The following PPP1R16B variants were observed in gnomAD, a reference collection of about 807,000 sequenced individuals.
PPP1R16B encodes protein phosphatase 1 regulatory inhibitor subunit 16B.
In PPP1R16B, 14 loss-of-function variants were observed where a neutral mutation model predicts 61.7. That is an observed-to-expected ratio of 0.23 (90% CI 0.15 to 0.35). The LOEUF is 0.35. PPP1R16B is among the 10% of genes least tolerant of loss of function. The pLI is 1.00. For missense variants in PPP1R16B, 547 were observed against 752.5 expected, an observed-to-expected ratio of 0.73 and a Z score of 3.19; for synonymous variants, 266 against 305.3, an observed-to-expected ratio of 0.87 and a Z score of 1.34.
chr20:38,910,794 G>C (rs1415613176), intron 10 of PPP1R16B, among the ~76,000 whole-genome samples: 1 of 152,134 alleles, frequency 6.6e-6, no homozygotes, highest in South Asian at 2.1e-4. Flanking sequence ...TCAAGAGATC[G>C]AGACCATCCT....
At chr20:38,812,501 C>T (rs2084707738) in intron 1 of PPP1R16B, among the ~76,000 whole-genome samples, 1 of 152,126 alleles carries the variant, frequency 6.6e-6, no homozygotes, top group African/African-American at 2.4e-5. Flanking sequence ...GGGAAGACAT[C>T]GCTTGTTTTC....
At chr20:38,869,128 A>G (rs1257665277) in intron 2 of PPP1R16B, among the ~76,000 whole-genome samples, 1 of 149,984 alleles carries the variant, frequency 6.7e-6, no homozygotes, top group Non-Finnish European at 1.5e-5. Context: ...TTTTGAGGTG[A>G]TATGCACATA....
chr20:38,836,027 G>A lies in PPP1R16B; in HGVS notation c.102G>A (p.Leu34=), dbSNP rs1201090342. 1.2e-6 allele frequency: 2 copies of A among 1,601,432 alleles called. No homozygotes were observed. Among genetic ancestry groups the A allele is most frequent in the South Asian group, 1.1e-5 (1 of 89,440 alleles). The part of the protein sequence containing the change: ...RAAQKRRAQQ[L]KKWAQYEQDL... ...CCCAGAAGCGCCGGGCCCAGCAGCT[G>A]AAGAAATGGGCACAGTACGAGCAGG... The change falls in exon 2 of 11, where the codon CTG becomes CTA. Residue 34 remains leucine, a synonymous_variant. Transcript: ENST00000299824.
intron 4 of PPP1R16B, 91 bp downstream of exon 4, chr20:38,895,801 C>G (rs555986775): frequency 1.6e-6 from 2 of 1,269,108 alleles, no homozygotes; most frequent in Admixed American, 4.2e-5. Context: ...CTCCTTCCTT[C>G]TTTCTCTCCT....
intron 2 of PPP1R16B, among the ~76,000 whole-genome samples, chr20:38,872,439 C>T (rs984769283): frequency 3.3e-5 from 5 of 152,110 alleles, no homozygotes; most frequent in East Asian, 1.9e-4. Flanking sequence ...ATTTCTAGAG[C>T]GCAGGAGGCA....
chr20:38,824,477 T>C (rs1480329117), intron 1 of PPP1R16B, among the ~76,000 whole-genome samples: 1 of 152,186 alleles, frequency 6.6e-6, no homozygotes, highest in Non-Finnish European at 1.5e-5. Context: ...CCCAGTTCCT[T>C]CTTCTCCTTC....
At chr20:38,849,417 A>T (rs1273781630) in intron 2 of PPP1R16B, among the ~76,000 whole-genome samples, 1 of 152,136 alleles carries the variant, frequency 6.6e-6, no homozygotes, top group East Asian at 1.9e-4. Flanking sequence ...CTTTTATGAC[A>T]TGTGGCTTTG....
At position 38,902,781 on chromosome 20, in the gene PPP1R16B, G is replaced by C; in HGVS notation, c.685G>C (p.Gly229Arg). Residue 229 changes from glycine (G) to arginine (R), a missense_variant, in exon 6 of 11, where the codon GGT becomes CGT. Coordinates refer to ENST00000299824, the MANE Select transcript of PPP1R16B (RefSeq NM_015568.4). ...GQDLDWIDAQGATLLHIAGAN... is the reference protein window; with the variant it reads ...GQDLDWIDAQRATLLHIAGAN... ...GGACCTGGACTGGATAGATGCCCAG[G>C]GTGCCACACTGGTGAGGAGATGGGC... 6.2e-7 allele frequency: 1 copy of C among 1,614,214 alleles called. No homozygotes were observed. Among genetic ancestry groups the C allele is most frequent in the Non-Finnish European group, 8.5e-7 (1 of 1,180,036 alleles).
At chr20:38,871,833 G>T (rs1051692468) in intron 2 of PPP1R16B, among the ~76,000 whole-genome samples, 2 of 152,094 alleles carry the variant, frequency 1.3e-5, no homozygotes, top group Non-Finnish European at 2.9e-5. Context: ...GCTCAGCTCT[G>T]ATCAATGGAA....
At chr20:38,866,295 C>T (rs930682653) in intron 2 of PPP1R16B, among the ~76,000 whole-genome samples, 5 of 152,042 alleles carry the variant, frequency 3.3e-5, no homozygotes, top group South Asian at 2.1e-4. Context: ...GTCTGTGCAG[C>T]GGGAAGAAGG....
At chr20:38,824,996 A>G (rs1445125756) in intron 1 of PPP1R16B, among the ~76,000 whole-genome samples, 1 of 152,254 alleles carries the variant, frequency 6.6e-6, no homozygotes. Flanking sequence ...TCTGTATCCA[A>G]AAAAAATTCT....
intron 1 of PPP1R16B, among the ~76,000 whole-genome samples, chr20:38,824,949 A>G (rs2084796508): frequency 6.6e-6 from 1 of 152,242 alleles, no homozygotes; most frequent in Admixed American, 6.5e-5. Context: ...AGCCAAGATC[A>G]TACTAACACA....
At chr20:38,877,952 G>GTTTT (rs34151516) in intron 2 of PPP1R16B, among the ~76,000 whole-genome samples, 4 of 57,778 alleles carry the variant, frequency 6.9e-5, no homozygotes, top group Non-Finnish European at 1.0e-4. Context: ...GCACACAGTT[G>GTTTT]TTTTTTTTTT....
intron 2 of PPP1R16B, among the ~76,000 whole-genome samples, chr20:38,859,166 G>T (rs1329314913): frequency 1.3e-5 from 2 of 152,192 alleles, no homozygotes; most frequent in Admixed American, 6.5e-5. Flanking sequence ...TCTTTAAACT[G>T]CCATGGGAGG....
rs1024005418 is a variant in PPP1R16B, at chr20:38,907,503, T to C, written c.899-303T>C. Among the ~76,000 whole-genome samples, 4 of 152,204 alleles carry C rather than the reference T, an allele frequency of 2.6e-5. No individual in the cohort carries two copies. Among genetic ancestry groups the C allele is most frequent in the African/African-American group, 9.7e-5 (4 of 41,448 alleles). ...TTTGCATAATTTATTGCTTGGGCTA[T>C]GTGGGGTACCTGCTTGGGGACTCTT... On this transcript the variant is annotated intron_variant, in intron 8 of 10. Coordinates refer to ENST00000299824, the MANE Select transcript of PPP1R16B (RefSeq NM_015568.4). The surrounding 1 kb of genome is among the most constrained non-coding windows in gnomAD (Gnocchi z 4.5).
In PPP1R16B at chr20:38,918,838, C is replaced by T. The variant is rs775943618; in HGVS notation, c.*172C>T. The T allele has an allele frequency of 6.0e-4, 468 of 779,604 alleles. 5 individuals are homozygous for T. The highest frequency in any genetic ancestry group is 1.2e-4 in the Non-Finnish European group (68 of 550,974). 48.3% of individuals were successfully genotyped at this position (779,604 alleles called of 1,614,324 possible). ...GCTGCCCATAGCATCCCATGTCCCACGTCCCGTGGTTCTGCTTCCTGCTGC... is the reference window on the plus strand; with the variant it reads ...GCTGCCCATAGCATCCCATGTCCCATGTCCCGTGGTTCTGCTTCCTGCTGC... On this transcript the variant is annotated 3_prime_UTR_variant, in exon 11 of 11. Transcript: ENST00000299824. The surrounding 1 kb of genome is among the most constrained non-coding windows in gnomAD (Gnocchi z 5.3).
rs954834625 is a variant in PPP1R16B, at chr20:38,806,542, C to G, written c.-102+750C>G. ...TCCGGCCCAGAGGAGCGCCCCCGGG[C>G]GCCGAGGATGGGCGGAGACGTGCAG... On this transcript the variant is annotated intron_variant, in intron 1 of 10. Transcript: ENST00000299824. The surrounding 1 kb of genome is among the most constrained non-coding windows in gnomAD (Gnocchi z 4.5). Among the ~76,000 whole-genome samples, 2 of 152,126 alleles carry G rather than the reference C, an allele frequency of 1.3e-5. No individual in the cohort carries two copies. Among genetic ancestry groups the G allele is most frequent in the African/African-American group, 2.4e-5 (1 of 41,448 alleles).
chr20:38,858,628 T>C (rs891581805), intron 2 of PPP1R16B, among the ~76,000 whole-genome samples: 2 of 150,962 alleles, frequency 1.3e-5, no homozygotes, highest in African/African-American at 4.9e-5. Flanking sequence ...GGCAATGAGA[T>C]TGGAGGAAGG....
chr20:38,852,768 T>TTTTGTGGG (rs1601257219), intron 2 of PPP1R16B, among the ~76,000 whole-genome samples: 1 of 62,336 alleles, frequency 1.6e-5, no homozygotes, highest in African/African-American at 6.7e-5. Flanking sequence ...TTTTTTTTTT[T>TTTTGTGGG]GCGGGGGGTG....
Sources: gnomAD v4.1 joint callset for allele counts (sites outside exome capture counted in the v4.1 genomes callset) on GRCh38, gnomAD v4.1.1 for gene constraint, Gnocchi (gnomAD v3.1) non-coding constraint, MANE v1.5 for transcripts, NCBI Gene and HGNC (gene_info 2026-07-23, HGNC 2026-07-21) for gene names.